The following PTPN12 variants were observed in gnomAD, a reference collection of about 807,000 sequenced individuals.
PTPN12 encodes tyrosine-protein phosphatase non-receptor type 12.
In PTPN12, 29 loss-of-function variants were observed where a neutral mutation model predicts 97.6. The observed-to-expected ratio is 0.30, with a 90% confidence interval of 0.22 to 0.41. The LOEUF (loss-of-function observed/expected upper bound fraction) is 0.41, where lower values mean the gene tolerates loss of function less well. PTPN12 is among the 10% of genes least tolerant of loss of function. PTPN12 has a pLI of 1.00. For synonymous variants in PTPN12, 327 were observed against 300.4 expected (o/e 1.09, Z -0.91); for missense variants, 819 against 926.0 (o/e 0.88, Z 1.50).
At chr7:77,600,088 A>G (rs999960450) in intron 7 of PTPN12, among the ~76,000 whole-genome samples, 25 of 152,216 alleles carry the variant, frequency 1.6e-4, no homozygotes, top group African/African-American at 5.5e-4. Flanking sequence ...CTCCCTCAAA[A>G]GGGTTGAGGG....
intron 2 of PTPN12, among the ~76,000 whole-genome samples, chr7:77,579,407 G>A (rs1787442651): frequency 6.6e-6 from 1 of 152,138 alleles, no homozygotes; most frequent in African/African-American, 2.4e-5. Flanking sequence ...TTACAGGGGT[G>A]AGCCACTATG....
At position 77,638,736 on chromosome 7, in the gene PTPN12, T is replaced by C. The variant is rs1353624373; in HGVS notation, c.2281+5T>C. 18 of 1,592,848 alleles carry C rather than the reference T, an allele frequency of 1.1e-5. No homozygotes were observed. Among genetic ancestry groups the C allele is most frequent in the Non-Finnish European group, 1.5e-5 (18 of 1,173,700 alleles). Reference sequence around the variant, plus strand: ...CAACAGAAGCCACAGATATTGGTAATTTGTTTAATAAATAATTTTTAGTAA... The same window carrying C: ...CAACAGAAGCCACAGATATTGGTAACTTGTTTAATAAATAATTTTTAGTAA... On this transcript the variant is annotated splice_donor_5th_base_variant and intron_variant, in intron 17 of 17. Transcript: ENST00000248594.
At chr7:77,631,348 C>T (rs578070776) in intron 13 of PTPN12, among the ~76,000 whole-genome samples, 108 of 152,222 alleles carry the variant, frequency 7.1e-4, no homozygotes, top group African/African-American at 2.3e-3. Context: ...TCACCTCATG[C>T]GTGTTGAAAA....
chr7:77,616,681 C>T (rs1788761185), intron 11 of PTPN12, among the ~76,000 whole-genome samples: 2 of 152,150 alleles, frequency 1.3e-5, no homozygotes, highest in Admixed American at 6.5e-5. Flanking sequence ...TTTTATTTAA[C>T]CTACTTAATG....
At position 77,627,149 on chromosome 7, in the gene PTPN12, T is replaced by G; in HGVS notation, c.1470T>G (p.Thr490=). The change falls in exon 13 of 18, where the codon ACT becomes ACG. Residue 490 remains threonine, a synonymous_variant. Coordinates refer to ENST00000248594, the MANE Select transcript of PTPN12 (RefSeq NM_002835.4). ...ELSSDLNVGD[T]SQNSCVDCSV... ...GTTCAGATCTAAATGTCGGTGATACTTCCCAGAATTCTTGTGTGGACTGCA... is the reference window on the plus strand; with the variant it reads ...GTTCAGATCTAAATGTCGGTGATACGTCCCAGAATTCTTGTGTGGACTGCA... 6.2e-7 allele frequency: 1 copy of G among 1,614,156 alleles called. No homozygotes were observed. The highest frequency in any genetic ancestry group is 8.5e-7 in the Non-Finnish European group (1 of 1,180,016).
intron 5 of PTPN12, among the ~76,000 whole-genome samples, chr7:77,590,724 C>A (rs1293221195): frequency 8.6e-5 from 13 of 152,006 alleles, no homozygotes; most frequent in Admixed American, 8.5e-4. Context: ...CCATGCCTGG[C>A]TAATTTTTTT....
chr7:77,560,596 C>T (rs1275083184), intron 1 of PTPN12, among the ~76,000 whole-genome samples: 1 of 152,172 alleles, frequency 6.6e-6, no homozygotes, highest in East Asian at 1.9e-4. Context: ...ATTACACTTT[C>T]TGTCTGTATG....
intron 9 of PTPN12, among the ~76,000 whole-genome samples, chr7:77,609,461 G>T (rs559618102): frequency 6.6e-6 from 1 of 151,386 alleles, no homozygotes; most frequent in African/African-American, 2.4e-5. Flanking sequence ...TAGTAGAGAT[G>T]GGGTTTCACC....
chr7:77,551,738 G>GT (rs1390208618), intron 1 of PTPN12, among the ~76,000 whole-genome samples: 2 of 152,166 alleles, frequency 1.3e-5, no homozygotes, highest in African/African-American at 4.8e-5. Flanking sequence ...TCTTGCTTCA[G>GT]TTTTTTAGCA....
At chr7:77,591,051 A>G (rs7798839) in intron 5 of PTPN12, among the ~76,000 whole-genome samples, 3,187 of 152,172 alleles carry the variant, frequency 0.021, 105 homozygotes, top group African/African-American at 0.072. Flanking sequence ...AAAAGAGAGA[A>G]TTTAATTTAA....
intron 4 of PTPN12, among the ~76,000 whole-genome samples, chr7:77,584,737 C>T (rs1003520659): frequency 3.3e-5 from 5 of 152,082 alleles, no homozygotes; most frequent in African/African-American, 4.8e-5. Flanking sequence ...ATTAGCTGGA[C>T]GTGGTGGCGG....
intron 3 of PTPN12, among the ~76,000 whole-genome samples, chr7:77,582,293 C>T (rs1409080806): frequency 2.0e-5 from 3 of 151,570 alleles, no homozygotes; most frequent in Admixed American, 6.6e-5. Flanking sequence ...CTGCGCCCAG[C>T]GTCAAGTTCT....
At chr7:77,552,641 AG>A (rs1468042172) in intron 1 of PTPN12, among the ~76,000 whole-genome samples, 1 of 152,224 alleles carries the variant, frequency 6.6e-6, no homozygotes, top group Non-Finnish European at 1.5e-5. Flanking sequence ...TTATTTAAAG[AG>A]GGTGTAAACG....
intron 12 of PTPN12, among the ~76,000 whole-genome samples, chr7:77,625,472 G>GCTCGCTCTCTCTCTCT: frequency 3.3e-4 from 11 of 33,528 alleles, no homozygotes; most frequent in Non-Finnish European, 5.5e-4. Context: ...CAGGCTGCTC[G>GCTCGCTCTCTCTCTCT]CTCTCTCTCT....
chr7:77,606,839 C>T (rs1788389289), intron 8 of PTPN12: 1 of 165,500 alleles, frequency 6.0e-6, no homozygotes, highest in African/African-American at 2.4e-5. Context: ...GATGGACTGT[C>T]ATGGTGTCCC....
chr7:77,632,424 TAGTG>T lies in PTPN12; in HGVS notation c.2074+4_2074+7del, dbSNP rs747778197. ...AATCGTTTGTGTTAGCAAGTGAACA[TAGTG>T]AGTGTCTCTTTTGCTTTTACATTTA... On this transcript the variant is annotated splice_donor_variant and splice_donor_region_variant and coding_sequence_variant and intron_variant, in exon 14 of 18. Transcript: ENST00000248594. LOFTEE classifies it high-confidence loss of function. 54 of 1,602,748 alleles carry T rather than the reference TAGTG, an allele frequency of 3.4e-5. No homozygotes were observed. The highest frequency in any genetic ancestry group is 1.6e-4 in the East Asian group (7 of 44,776).
chr7:77,634,421 CTTTTTATTTATTTAT>C (rs1317719705), intron 14 of PTPN12, among the ~76,000 whole-genome samples: 1 of 151,784 alleles, frequency 6.6e-6, no homozygotes. Flanking sequence ...ATTTGGTTTT[CTTTTTATTTATTTAT>C]TTTTTATTTA....
chr7:77,566,308 G>A (rs549189614), intron 1 of PTPN12, among the ~76,000 whole-genome samples: 1 of 152,318 alleles, frequency 6.6e-6, no homozygotes, highest in African/African-American at 2.4e-5. Flanking sequence ...GTTTATGTTA[G>A]AGGTGATAGA....
intron 14 of PTPN12, among the ~76,000 whole-genome samples, chr7:77,633,752 T>G (rs1195009516): frequency 2.0e-5 from 3 of 152,046 alleles, no homozygotes; most frequent in Non-Finnish European, 4.4e-5. Context: ...ACTGAGCACA[T>G]TGGCTCATAC....
Sources: gnomAD v4.1 joint callset for allele counts (sites outside exome capture counted in the v4.1 genomes callset) on GRCh38, gnomAD v4.1.1 for gene constraint, MANE v1.5 for transcripts, NCBI Gene and HGNC (gene_info 2026-07-23, HGNC 2026-07-21) for gene names.